Variants in SLC60A2 observed in about 807,000 individuals in gnomAD.
SLC60A2 encodes the protein solute carrier family 60 member 2.
At chr6:111,277,386 C>G in the SLC60A2 span, among the ~76,000 whole-genome samples, 2 of 152,174 alleles carry the variant, frequency 1.3e-5, no homozygotes, top group Non-Finnish European at 2.9e-5. Context: ...GGTAAGATTT[C>G]TACTTGAGTG....
chr6:111,273,546 T>C, the SLC60A2 span, among the ~76,000 whole-genome samples: 1 of 151,504 alleles, frequency 6.6e-6, no homozygotes, highest in Non-Finnish European at 1.5e-5. Context: ...GAGAATGTGC[T>C]GATGAGAAGA....
chr6:111,266,916 A>G, the SLC60A2 span: 18 of 1,614,000 alleles, frequency 1.1e-5, no homozygotes, highest in Middle Eastern at 1.6e-4. Flanking sequence ...ATGGAATGAA[A>G]TGGATTTTGA....
chr6:111,275,677 C>T, the SLC60A2 span, among the ~76,000 whole-genome samples: 3 of 151,932 alleles, frequency 2.0e-5, no homozygotes, highest in Non-Finnish European at 4.4e-5. Flanking sequence ...CAAAGTGCTG[C>T]GATTACAGGT....
At chr6:111,271,247 G>A in the SLC60A2 span, 1 of 141,156 alleles carries the variant, frequency 7.1e-6, no homozygotes, top group Admixed American at 7.1e-5. Flanking sequence ...GAGTTTATTT[G>A]TATTTTATAA....
chr6:111,263,713 C>G, the SLC60A2 span: 13 of 591,910 alleles, frequency 2.2e-5, no homozygotes, highest in Non-Finnish European at 3.7e-5. Context: ...AAACTCTCAT[C>G]TACTCATTAT....
At chr6:111,268,541 TTGGAG>T in the SLC60A2 span, 2 of 152,232 alleles carry the variant, frequency 1.3e-5, no homozygotes, top group Non-Finnish European at 2.9e-5. Flanking sequence ...CAAGTGGAAT[TTGGAG>T]ACACTATGTT....
At chr6:111,279,074 A>G in the SLC60A2 span, among the ~76,000 whole-genome samples, 2 of 152,168 alleles carry the variant, frequency 1.3e-5, no homozygotes, top group African/African-American at 4.8e-5. Flanking sequence ...ATGGATATTT[A>G]AAAAAGTAAC....
chr6:111,271,807 G>C, the SLC60A2 span, among the ~76,000 whole-genome samples: 1 of 31,058 alleles, frequency 3.2e-5, no homozygotes. Context: ...AAAAAAAAAA[G>C]TACAAATAGT....
the SLC60A2 span, among the ~76,000 whole-genome samples, chr6:111,279,225 C>T: frequency 3.3e-5 from 5 of 151,666 alleles, no homozygotes; most frequent in Non-Finnish European, 4.4e-5. Context: ...AGTTATGCCA[C>T]TTTTGTAGAT....
At chr6:111,275,204 A>G in the SLC60A2 span, among the ~76,000 whole-genome samples, 77 of 149,040 alleles carry the variant, frequency 5.2e-4, no homozygotes, top group Non-Finnish European at 1.8e-4. Context: ...ACGATACCCC[A>G]CTCTGTGACT....
the SLC60A2 span, among the ~76,000 whole-genome samples, chr6:111,261,280 TG>T: frequency 6.6e-6 from 1 of 152,226 alleles, no homozygotes; most frequent in Non-Finnish European, 1.5e-5. Flanking sequence ...GAAATATTGC[TG>T]TTTAACAACA....
chr6:111,266,332 C>T, the SLC60A2 span: 1 of 1,613,848 alleles, frequency 6.2e-7, no homozygotes, highest in Non-Finnish European at 8.5e-7. Context: ...TCATTTGCAA[C>T]CACCCATGCT....
the SLC60A2 span, among the ~76,000 whole-genome samples, chr6:111,279,460 G>A: frequency 2.0e-5 from 3 of 151,798 alleles, no homozygotes; most frequent in Admixed American, 2.0e-4. Flanking sequence ...ACGTTAGCCA[G>A]GATGGTCTTG....
chr6:111,262,169 C>CTT, the SLC60A2 span: 79 of 1,068,464 alleles, frequency 7.4e-5, no homozygotes, highest in South Asian at 2.6e-4. Flanking sequence ...CTCCGCCCCC[C>CTT]TTTTTTTTTA....
the SLC60A2 span, among the ~76,000 whole-genome samples, chr6:111,272,177 AT>A: frequency 6.6e-6 from 1 of 151,826 alleles, no homozygotes; most frequent in Non-Finnish European, 1.5e-5. Context: ...TAATTTTTGT[AT>A]TTTTTGTAGA....
chr6:111,267,036 G>T, the SLC60A2 span: 1 of 1,614,182 alleles, frequency 6.2e-7, no homozygotes, highest in Non-Finnish European at 8.5e-7. Flanking sequence ...AAATGCACTG[G>T]TGTTTGAGTC....
At chr6:111,263,840 G>T in the SLC60A2 span, 1 of 1,592,170 alleles carries the variant, frequency 6.3e-7, no homozygotes, top group Admixed American at 1.7e-5. Context: ...GAATCTCAAT[G>T]TCGGCTACCA....
the SLC60A2 span, chr6:111,269,702 A>AT: frequency 2.0e-5 from 3 of 152,196 alleles, no homozygotes; most frequent in Non-Finnish European, 4.4e-5. Flanking sequence ...AAGGATGATG[A>AT]TAAGAACATG....
chr6:111,263,416 A>G, the SLC60A2 span, among the ~76,000 whole-genome samples: 2 of 152,152 alleles, frequency 1.3e-5, no homozygotes, highest in African/African-American at 4.8e-5. Context: ...CTATTTCCCA[A>G]ACTAATTTAT....
Sources: gnomAD v4.1 joint callset for allele counts (sites outside exome capture counted in the v4.1 genomes callset) on GRCh38, gnomAD v4.1.1 for gene constraint, MANE v1.5 for transcripts, NCBI Gene and HGNC (gene_info 2026-07-23, HGNC 2026-07-21) for gene names.